SPATA6L: variants seen among roughly 807,000 people sequenced by gnomAD.
SPATA6L encodes spermatogenesis associated 6-like protein.
SPATA6L carries 68 observed loss-of-function variants against 49.2 expected under a neutral mutation model. That is an observed-to-expected ratio of 1.38 (90% CI 1.14 to 1.69). SPATA6L has a LOEUF of 1.69. Ranked by LOEUF, SPATA6L falls within the 40% of genes most tolerant of loss-of-function variation. The probability of loss-of-function intolerance (pLI) is 0.00; values close to 1 mark genes in which losing one functional copy is unlikely to be tolerated. For missense variants in SPATA6L, 668 were observed against 464.3 expected, an observed-to-expected ratio of 1.44 and a Z score of -4.03; for synonymous variants, 198 against 165.7, an observed-to-expected ratio of 1.19 and a Z score of -1.50.
Position 4,605,374 on chromosome 9 carries a change from G to A in SPATA6L, c.1062C>T (p.Ser354=). The change falls in exon 10 of 12, where the codon TCC becomes TCT. Residue 354 remains serine (S), a synonymous_variant. Coordinates refer to ENST00000682582, the MANE Select transcript of SPATA6L (RefSeq NM_001353486.2). ...TGTTTTGGTGCAGCTGTGCTCTGTGGGATGTCAGAAGACTGCATACCCTCT... is the reference window on the plus strand; with the variant it reads ...TGTTTTGGTGCAGCTGTGCTCTGTGAGATGTCAGAAGACTGCATACCCTCT... The part of the protein sequence containing the change: ...IHERVCSLLT[S]HRAQLHQNKE... 2 of 1,614,018 alleles carry A rather than the reference G, an allele frequency of 1.2e-6. No individual in the cohort carries two copies. Among genetic ancestry groups the A allele is most frequent in the Non-Finnish European group, 1.7e-6 (2 of 1,179,918 alleles).
intron 3 of SPATA6L, among the ~76,000 whole-genome samples, chr9:4,654,730 G>A (rs6476882): frequency 0.43 from 65,535 of 151,944 alleles, 14,274 homozygotes; most frequent in East Asian, 0.64. Flanking sequence ...GCCAAACTCC[G>A]TGTCGTTCTG....
chr9:4,618,840 T>C (rs762944411), intron 8 of SPATA6L, 24 bp downstream of exon 8: 8 of 1,603,104 alleles, frequency 5.0e-6, no homozygotes, highest in East Asian at 2.2e-5. Flanking sequence ...TAAATCATTT[T>C]ACAAATTCTA....
At chr9:4,634,962 CTATT>C (rs1441255827) in intron 4 of SPATA6L, among the ~76,000 whole-genome samples, 4 of 152,204 alleles carry the variant, frequency 2.6e-5, no homozygotes, top group African/African-American at 9.7e-5. Flanking sequence ...TGTCGCTACT[CTATT>C]TAGTCATAAT....
chr9:4,625,125 TC>T, intron 6 of SPATA6L: 1 of 859,810 alleles, frequency 1.2e-6, no homozygotes, highest in Non-Finnish European at 1.6e-6. Context: ...ACTGAGCAAG[TC>T]CCCTGTATAA....
intron 3 of SPATA6L, among the ~76,000 whole-genome samples, chr9:4,642,542 C>G: frequency 6.6e-6 from 1 of 152,182 alleles, no homozygotes; most frequent in East Asian, 1.9e-4. Context: ...GAAGAAAGAA[C>G]TACAGACTCC....
downstream of SPATA6L, among the ~76,000 whole-genome samples, chr9:4,593,442 C>G (rs1176082705): frequency 6.6e-6 from 1 of 152,172 alleles, no homozygotes; most frequent in East Asian, 1.9e-4. Context: ...CAAACCCCAA[C>G]TCTCCCCAAA....
At chr9:4,618,182 T>C in intron 8 of SPATA6L, 72 bp from the exon 9 acceptor site, 1 of 1,358,072 alleles carries the variant, frequency 7.4e-7, no homozygotes, top group Non-Finnish European at 1.0e-6. Flanking sequence ...GGGGTGGGGG[T>C]TGGACAAGGA....
At chr9:4,663,156 G>T in intron 1 of SPATA6L, 2 of 1,614,154 alleles carry the variant, frequency 1.2e-6, no homozygotes, top group Non-Finnish European at 8.5e-7. Context: ...TGTCACCGAC[G>T]TAGCTTTTGG....
chr9:4,656,437 AAAGAAAGGAAGG>A (rs1350850586), intron 2 of SPATA6L, among the ~76,000 whole-genome samples: 5 of 117,518 alleles, frequency 4.3e-5, no homozygotes, highest in African/African-American at 6.9e-5. Context: ...AGACCCTGTG[AAAGAAAGGAAGG>A]AAGGAAGGAA....
At chr9:4,612,489 T>G (rs1827000704) in intron 9 of SPATA6L, among the ~76,000 whole-genome samples, 1 of 152,190 alleles carries the variant, frequency 6.6e-6, no homozygotes, top group Non-Finnish European at 1.5e-5. Flanking sequence ...TACCCACCCT[T>G]CAGAGTTCAG....
In SPATA6L at chr9:4,622,432, C is replaced by G. The variant is rs1198267329; in HGVS notation, c.748G>C (p.Asp250His). ...CCTCTTCTCGTTGGAAACGGAAAGT[C>G]TGAAAACTTAGATTTTCTTCTAGAC... ...RRSRRKSKFS[D>H]FPFPTRRASS... Residue 250 changes from aspartate (D) to histidine (H), a missense_variant, in exon 7 of 12, where the codon GAC (aspartate) becomes CAC (histidine). Coordinates refer to ENST00000682582, the MANE Select transcript of SPATA6L (RefSeq NM_001353486.2). 1.2e-6 allele frequency: 2 copies of G among 1,613,426 alleles called. No individual in the cohort carries two copies. The highest frequency in any genetic ancestry group is 1.7e-5 in the Admixed American group (1 of 59,984).
chr9:4,596,093 T>G (rs574118297), downstream of SPATA6L, among the ~76,000 whole-genome samples: 2 of 152,352 alleles, frequency 1.3e-5, no homozygotes, highest in Middle Eastern at 6.8e-3. Context: ...CATCCGAGTT[T>G]GCAACACCTT....
intron 7 of SPATA6L, among the ~76,000 whole-genome samples, chr9:4,620,017 C>A (rs193136024): frequency 3.9e-5 from 6 of 152,306 alleles, no homozygotes. Context: ...TGATCCCCCT[C>A]CCCACGTCAC....
downstream of SPATA6L, among the ~76,000 whole-genome samples, chr9:4,593,558 C>G (rs1822042867): frequency 6.6e-6 from 1 of 152,032 alleles, no homozygotes; most frequent in Admixed American, 6.6e-5. Context: ...GCTTTTTATT[C>G]TTTATACTGT....
rs558299816 is a variant in SPATA6L at position 4,620,470 on chromosome 9, C to G, written c.773-1572G>C. On this transcript the variant is annotated intron_variant, in intron 7 of 11. Coordinates refer to ENST00000682582, the MANE Select transcript of SPATA6L (RefSeq NM_001353486.2). ...AGGAGAATCCTAAGCTCCACCCCAG[C>G]CCTACTGAATCAGAATCTGCAGTTT... Among the ~76,000 whole-genome samples the G allele has an allele frequency of 3.3e-5, 5 of 152,316 alleles. No homozygotes were observed. In the South Asian group the frequency reaches 6.2e-4, roughly 19 times the overall value.
At chr9:4,614,850 T>A (rs976951142) in intron 9 of SPATA6L, among the ~76,000 whole-genome samples, 11 of 152,218 alleles carry the variant, frequency 7.2e-5, no homozygotes, top group Non-Finnish European at 1.3e-4. Flanking sequence ...AAGAATTTGC[T>A]GCCTCATCAG....
downstream of SPATA6L, among the ~76,000 whole-genome samples, chr9:4,594,926 C>T (rs1463467466): frequency 2.6e-5 from 4 of 152,126 alleles, no homozygotes; most frequent in Admixed American, 6.5e-5. Flanking sequence ...TCTCAACACC[C>T]ACCTTGACCC....
At chr9:4,663,251 G>C (rs776600172) in intron 1 of SPATA6L, 1 of 1,613,216 alleles carries the variant, frequency 6.2e-7, no homozygotes, top group South Asian at 1.1e-5. Context: ...TTTTACTGTG[G>C]AGTCAACGAT....
chr9:4,633,530 A>C (rs1832095466), intron 4 of SPATA6L: 1 of 185,280 alleles, frequency 5.4e-6, no homozygotes. Flanking sequence ...GAAGGTAAGA[A>C]ACCTAGAACC....
Sources: allele counts gnomAD v4.1 joint callset (sites outside exome capture counted in the v4.1 genomes callset), GRCh38; gene constraint gnomAD v4.1.1; transcripts MANE v1.5; gene names NCBI Gene and HGNC (gene_info 2026-07-23, HGNC 2026-07-21).